Variants in TPX2 observed in about 807,000 individuals in gnomAD.
TPX2 encodes the protein targeting protein for Xklp2.
TPX2 carries 21 observed loss-of-function variants against 93.6 expected under a neutral mutation model. The observed-to-expected ratio is 0.22, with a 90% confidence interval of 0.16 to 0.32. The LOEUF is 0.32. Ranked by LOEUF, TPX2 falls within the 10% of genes least tolerant of loss-of-function variation. TPX2 has a pLI of 1.00. For missense variants in TPX2, 776 were observed against 871.1 expected, an observed-to-expected ratio of 0.89 and a Z score of 1.37; for synonymous variants, 281 against 298.3, an observed-to-expected ratio of 0.94 and a Z score of 0.60.
intron 2 of TPX2, among the ~76,000 whole-genome samples, chr20:31,744,034 T>G (rs916847065): frequency 6.6e-6 from 1 of 151,712 alleles, no homozygotes; most frequent in Non-Finnish European, 1.5e-5. Context: ...CAGTTTTTTT[T>G]CCCCCAAATA....
chr20:31,745,590 A>G (rs1011626561), intron 2 of TPX2, among the ~76,000 whole-genome samples: 2 of 152,144 alleles, frequency 1.3e-5, no homozygotes, highest in African/African-American at 4.8e-5. Flanking sequence ...GGCCTCCCAG[A>G]GTGCTGGGAT....
chr20:31,767,048 C>T (rs1444098403), intron 5 of TPX2, among the ~76,000 whole-genome samples: 1 of 151,990 alleles, frequency 6.6e-6, no homozygotes, highest in East Asian at 1.9e-4. Flanking sequence ...GTGACCCACC[C>T]GCCTCAGCCT....
intron 12 of TPX2, among the ~76,000 whole-genome samples, chr20:31,789,630 A>C (rs1280483315): frequency 1.3e-5 from 2 of 151,552 alleles, no homozygotes; most frequent in African/African-American, 4.9e-5. Context: ...AACAAAAAAA[A>C]ACTTTCTTTG....
rs2062170237 is a variant in TPX2, at chr20:31,801,227, A to C, written c.*147A>C. On this transcript the variant is annotated 3_prime_UTR_variant, in exon 18 of 18. Transcript: ENST00000300403. ...CGTGCCTGAGAAAGCATACTTGACA[A>C]CTGTGGACTCCAGTTTTGTTGAGAA... 1.6e-6 allele frequency: 1 copy of C among 629,288 alleles called. No individual in the cohort carries two copies. The highest frequency in any genetic ancestry group is 2.8e-6 in the Non-Finnish European group (1 of 357,720). 39.0% of individuals were successfully genotyped at this position (629,288 alleles called of 1,614,324 possible).
rs574057995 is a variant in TPX2, at chr20:31,790,034, G to A, written c.1414-2701G>A. On this transcript the variant is annotated intron_variant, in intron 12 of 17. Coordinates refer to ENST00000300403, the MANE Select transcript of TPX2 (RefSeq NM_012112.5). ...GAGCTGGGCTGGAACAGACAGACCC[G>A]TGGCTTCTTGCTCACTATTTGTCTC... Among the ~76,000 whole-genome samples the A allele has an allele frequency of 3.3e-5, 5 of 152,320 alleles. 1 individual carries two copies. Among genetic ancestry groups the A allele is most frequent in the South Asian group, 4.1e-4 (2 of 4,828 alleles).
At chr20:31,774,893 T>C (rs1198470205) in intron 7 of TPX2, among the ~76,000 whole-genome samples, 2 of 152,106 alleles carry the variant, frequency 1.3e-5, no homozygotes, top group Non-Finnish European at 2.9e-5. Context: ...GGGCATGCCA[T>C]TGCACTAGGC....
In TPX2 at chr20:31,766,791, G is replaced by A; in HGVS notation, c.356+109G>A. 8.0e-6 allele frequency: 5 copies of A among 624,284 alleles called. No homozygotes were observed. The South Asian group carries it at 2.6e-4, about 32-fold the overall frequency. The allele number at this position is 624,284 out of a possible 1,614,324, so 38.7% of individuals were successfully genotyped here. A position where few individuals can be genotyped will look rare whatever the true frequency, so the allele number is the denominator to read the frequency against. ...ATACTGTGTTTATGGACACCTTTAT[G>A]TTACTTTTTTTTTTTTTTTTTTTTT... On this transcript the variant is annotated intron_variant, in intron 5 of 17. Coordinates refer to ENST00000300403, the MANE Select transcript of TPX2 (RefSeq NM_012112.5).
chr20:31,799,897 CAAAAAAAAAAAA>C (rs533016889), intron 17 of TPX2, among the ~76,000 whole-genome samples: 6 of 63,988 alleles, frequency 9.4e-5, no homozygotes, highest in Admixed American at 1.9e-4. Flanking sequence ...GAGACTGTCT[CAAAAAAAAAAAA>C]AAAAAAAAAA....
At chr20:31,795,094 T>A (rs952717167) in intron 15 of TPX2, among the ~76,000 whole-genome samples, 1 of 152,108 alleles carries the variant, frequency 6.6e-6, no homozygotes, top group African/African-American at 2.4e-5. Flanking sequence ...GTGCTGGGAT[T>A]ACAGGTGTGA....
In TPX2 at chr20:31,778,795, C is replaced by T. The variant is rs1364864361; in HGVS notation, c.883-18C>T. 6.6e-7 allele frequency: 1 copy of T among 1,525,958 alleles called. No homozygotes were observed. 94.5% of individuals were successfully genotyped at this position (1,525,958 alleles called of 1,614,324 possible). A position where few individuals can be genotyped will look rare whatever the true frequency, so the allele number is the denominator to read the frequency against. On this transcript the variant is annotated intron_variant, in intron 9 of 17. Transcript: ENST00000300403. The stretch of plus-strand genomic sequence containing the variant: ...CTTCCGTGACATTTCATTTGGGGAA[C>T]AACTTTTCTCTTTACAGGCCCGAGT...
At chr20:31,767,582 T>C (rs1247783750) in intron 5 of TPX2, among the ~76,000 whole-genome samples, 1 of 152,032 alleles carries the variant, frequency 6.6e-6, no homozygotes, top group Non-Finnish European at 1.5e-5. Flanking sequence ...GACAGAGTCT[T>C]GCTCAGTTAC....
At chr20:31,760,268 C>T in intron 4 of TPX2, 89 bp downstream of exon 4, 1 of 1,519,950 alleles carries the variant, frequency 6.6e-7, no homozygotes, top group Non-Finnish European at 8.9e-7. Context: ...TACCTAAATG[C>T]TCTATCTCTT....
intron 2 of TPX2, among the ~76,000 whole-genome samples, chr20:31,756,281 A>G (rs1378598814): frequency 6.6e-6 from 1 of 152,194 alleles, no homozygotes; most frequent in African/African-American, 2.4e-5. Flanking sequence ...GATAAGTGTT[A>G]CAGTGGAGAT....
In TPX2 at chr20:31,748,057, G is replaced by T. The variant is rs574500903; in HGVS notation, c.-71+5410G>T. Among the ~76,000 whole-genome samples, 13 of 152,222 alleles carry T rather than the reference G, an allele frequency of 8.5e-5. No homozygotes were observed. The East Asian group carries it at 1.7e-3, about 20-fold the overall frequency. On this transcript the variant is annotated intron_variant, in intron 2 of 17. Transcript: ENST00000300403. Reference sequence around the variant, plus strand: ...ACTTGTCCTATCAGCCTTAATTGAAGAGAGTCAGACTTCTCAATGGATATG... The same window carrying T: ...ACTTGTCCTATCAGCCTTAATTGAATAGAGTCAGACTTCTCAATGGATATG...
intron 5 of TPX2, among the ~76,000 whole-genome samples, chr20:31,768,426 T>C (rs2061943627): frequency 6.6e-6 from 1 of 151,148 alleles, no homozygotes; most frequent in South Asian, 2.1e-4. Context: ...TTTGTATTTT[T>C]AGTAGAGACG....
chr20:31,747,367 C>A (rs2061790343), intron 2 of TPX2, among the ~76,000 whole-genome samples: 1 of 152,198 alleles, frequency 6.6e-6, no homozygotes, highest in Non-Finnish European at 1.5e-5. Flanking sequence ...ATCCGCCTGC[C>A]TTGGCCTCCC....
At chr20:31,749,820 C>G (rs1224218963) in intron 2 of TPX2, among the ~76,000 whole-genome samples, 31 of 152,034 alleles carry the variant, frequency 2.0e-4, no homozygotes, top group Non-Finnish European at 2.6e-4. Flanking sequence ...AAGTTAATAG[C>G]TGTTTTTATT....
chr20:31,759,979 G>A (rs1054722908), intron 3 of TPX2, 78 bp from the exon 4 acceptor site: 95 of 1,575,832 alleles, frequency 6.0e-5, no homozygotes, highest in Non-Finnish European at 8.2e-5. Flanking sequence ...GGGAGCTTTA[G>A]TTTGCATTTT....
At chr20:31,780,521 C>T (rs947097399) in intron 10 of TPX2, among the ~76,000 whole-genome samples, 5 of 152,104 alleles carry the variant, frequency 3.3e-5, no homozygotes, top group Non-Finnish European at 7.4e-5. Context: ...GTCCTGCTTT[C>T]AGAATACTAG....
Sources: gnomAD v4.1 joint callset for allele counts (sites outside exome capture counted in the v4.1 genomes callset) on GRCh38, gnomAD v4.1.1 for gene constraint, MANE v1.5 for transcripts, NCBI Gene and HGNC (gene_info 2026-07-23, HGNC 2026-07-21) for gene names.